CELF1: variants seen among roughly 807,000 people sequenced by gnomAD.
CELF1 encodes 50 kDa nuclear polyadenylated RNA-binding protein.
A neutral mutation model predicts 61.8 loss-of-function variants in CELF1; 10 were observed. The ratio of observed to expected loss-of-function variants is 0.16; its 90% confidence interval spans 0.10 to 0.27. CELF1 has a LOEUF of 0.27. Among genes scored for constraint, CELF1 ranks in the 10% least tolerant of loss-of-function variants. The probability of loss-of-function intolerance (pLI) is 1.00; values close to 1 mark genes in which losing one functional copy is unlikely to be tolerated. For missense variants in CELF1, 380 were observed against 639.1 expected (o/e 0.59, Z 4.37); for synonymous variants, 236 against 225.1 (o/e 1.05, Z -0.43).
intron 1 of CELF1, among the ~76,000 whole-genome samples, chr11:47,519,086 A>C (rs2095714040): frequency 6.6e-6 from 1 of 152,194 alleles, no homozygotes; most frequent in Admixed American, 6.5e-5. Context: ...AGAAAATGCA[A>C]ATTTTGTACC....
intron 1 of CELF1, among the ~76,000 whole-genome samples, chr11:47,541,747 AAAG>A (rs1409512146): frequency 0.026 from 276 of 10,454 alleles, 17 homozygotes; most frequent in African/African-American, 0.053. Flanking sequence ...AGAACGAAAG[AAAG>A]AAAGAACGAA....
intron 1 of CELF1, among the ~76,000 whole-genome samples, chr11:47,526,966 A>C (rs1597997124): frequency 1.3e-5 from 2 of 151,308 alleles, no homozygotes; most frequent in African/African-American, 4.9e-5. Context: ...CAGGAGAATC[A>C]CTTGAACCCA....
At chr11:47,515,916 T>G (rs188492367) in intron 1 of CELF1, among the ~76,000 whole-genome samples, 3 of 152,070 alleles carry the variant, frequency 2.0e-5, no homozygotes, top group Admixed American at 6.5e-5. Context: ...TCTTTATTAT[T>G]TACTTATTTA....
At chr11:47,520,010 T>TA (rs11388505) in intron 1 of CELF1, among the ~76,000 whole-genome samples, 146,952 of 148,036 alleles carry the variant, frequency 0.99, 72,940 homozygotes, top group Middle Eastern at 1. Context: ...AACAAGCTCT[T>TA]AAAAAAAAAA....
At chr11:47,503,162 G>A (rs980696789) in intron 1 of CELF1, among the ~76,000 whole-genome samples, 1 of 152,114 alleles carries the variant, frequency 6.6e-6, no homozygotes, top group Non-Finnish European at 1.5e-5. Flanking sequence ...ATCAATATAG[G>A]TAAGAAAAAC....
At chr11:47,481,060 T>C (rs1309540019) in intron 9 of CELF1, among the ~76,000 whole-genome samples, 1 of 142,494 alleles carries the variant, frequency 7.0e-6, no homozygotes, top group South Asian at 2.4e-4. Flanking sequence ...TTCAGAGAAA[T>C]ACTAGCTAGG....
intron 1 of CELF1, among the ~76,000 whole-genome samples, chr11:47,526,449 T>C (rs1354914007): frequency 2.0e-5 from 3 of 152,248 alleles, no homozygotes; most frequent in African/African-American, 4.8e-5. Context: ...TGTTTCATAG[T>C]ATGAGATTAA....
chr11:47,488,747 A>AT, intron 4 of CELF1, 90 bp downstream of exon 4: 3 of 1,063,230 alleles, frequency 2.8e-6, no homozygotes, highest in Non-Finnish European at 3.8e-6. Flanking sequence ...TAAAAATCCA[A>AT]TTTTTTGTAT....
intron 1 of CELF1, among the ~76,000 whole-genome samples, chr11:47,502,130 A>G (rs754080662): frequency 3.9e-5 from 6 of 152,210 alleles, no homozygotes; most frequent in Admixed American, 6.5e-5. Flanking sequence ...CTTTTGTTCA[A>G]AAGAAGTCTC....
In CELF1 at chr11:47,488,925, C is replaced by T. The variant is rs745842515; in HGVS notation, c.171G>A (p.Lys57=). The T allele has an allele frequency of 4.3e-6, 7 of 1,612,968 alleles. No individual in the cohort carries two copies. The South Asian group carries it at 6.6e-5, about 15-fold the overall frequency. The change falls in exon 4 of 15, where the codon AAG becomes AAA. Residue 57 remains lysine, a synonymous_variant. Coordinates refer to ENST00000687097, the MANE Select transcript of CELF1 (RefSeq NM_001376376.1). ...ACTGTTCGAAGAGTTCCCGCAAGTC[C>T]TTTTCAGACCAGGTCCTTGGAACCT... ...VGQVPRTWSE[K]DLRELFEQYG...
chr11:47,475,561 C>G (rs1012539001), intron 12 of CELF1, 40 bp from the exon 13 acceptor site: 1 of 1,593,398 alleles, frequency 6.3e-7, no homozygotes, highest in Non-Finnish European at 8.6e-7. Flanking sequence ...ACTAGAAAGA[C>G]TAAACTGATG....
chr11:47,532,197 AT>A (rs2096498280), intron 1 of CELF1, among the ~76,000 whole-genome samples: 1 of 151,956 alleles, frequency 6.6e-6, no homozygotes, highest in Admixed American at 6.6e-5. Flanking sequence ...GGCCTAAATA[AT>A]TTTTGTATTG....
chr11:47,550,678 T>C (rs560667016), intron 1 of CELF1, among the ~76,000 whole-genome samples: 143 of 152,306 alleles, frequency 9.4e-4, no homozygotes, highest in African/African-American at 3.3e-3. Context: ...TCTTCATTTT[T>C]TGACTTACCT....
chr11:47,527,572 A>T (rs1427600795), intron 1 of CELF1, among the ~76,000 whole-genome samples: 1 of 152,124 alleles, frequency 6.6e-6, no homozygotes, highest in African/African-American at 2.4e-5. Context: ...TTAAAAAAAA[A>T]ATTAAGCCTC....
chr11:47,472,401 A>C (rs2077986411), intron 14 of CELF1, 44 bp from the exon 15 acceptor site: 1 of 1,601,754 alleles, frequency 6.2e-7, no homozygotes, highest in Non-Finnish European at 8.5e-7. Context: ...ATAATGAGGC[A>C]AGGAGATTCT....
At chr11:47,543,493 C>A (rs1468573017) in intron 1 of CELF1, among the ~76,000 whole-genome samples, 1 of 152,200 alleles carries the variant, frequency 6.6e-6, no homozygotes, top group African/African-American at 2.4e-5. Flanking sequence ...ATGGCCTCCA[C>A]AGCACAGCAG....
chr11:47,492,126 C>T (rs1201029231), intron 3 of CELF1, among the ~76,000 whole-genome samples: 2 of 152,064 alleles, frequency 1.3e-5, no homozygotes, highest in African/African-American at 4.8e-5. Flanking sequence ...TACGGGTGTG[C>T]GCCACCACAT....
Position 47,475,427 on chromosome 11 carries a change from G to A in CELF1, c.1182C>T (p.Ile394=). ...MEALTQAYSG[I]QQYAAAALPT... ...GGAGCGCAGCAGCAGCATATTGCTG[G>A]ATACCCGAGTAGGCCTGAGTGAGGG... The change falls in exon 13 of 15, where the codon ATC becomes ATT. Residue 394 remains isoleucine, a synonymous_variant. Transcript: ENST00000687097. The A allele has an allele frequency of 6.2e-7, 1 of 1,614,102 alleles. No individual in the cohort carries two copies. The highest frequency in any genetic ancestry group is 1.7e-4 in the Middle Eastern group (1 of 5,984).
chr11:47,475,532 G>T lies in CELF1; in HGVS notation c.1088-11C>A. On this transcript the variant is annotated splice_polypyrimidine_tract_variant and intron_variant, in intron 12 of 14. Transcript: ENST00000687097. ...TTAAAGCAGCCATTCCTTGGTTGGA[G>T]GAAGAGAAGGATTAATATACTAGAA... 6.2e-7 allele frequency: 1 copy of T among 1,613,422 alleles called. No homozygotes were observed.
Sources: gnomAD v4.1 joint callset for allele counts (sites outside exome capture counted in the v4.1 genomes callset) on GRCh38, gnomAD v4.1.1 for gene constraint, MANE v1.5 for transcripts, NCBI Gene and HGNC (gene_info 2026-07-23, HGNC 2026-07-21) for gene names.